Variants in SLIT3 observed in about 807,000 individuals in gnomAD.
SLIT3 encodes the protein slit homolog 3 protein.
In SLIT3, 68 loss-of-function variants were observed where a neutral mutation model predicts 184.0. The ratio of observed to expected loss-of-function variants is 0.37; its 90% CI spans 0.30 to 0.45. The LOEUF is 0.45. Among genes scored for constraint, SLIT3 ranks in the 20% least tolerant of loss-of-function variants. SLIT3 has a pLI of 1.00. For synonymous variants in SLIT3, 831 were observed against 828.6 expected (o/e 1.00, Z -0.05); for missense variants, 1,707 against 2,026.0 (o/e 0.84, Z 3.02).
intron 4 of SLIT3, among the ~76,000 whole-genome samples, chr5:169,137,113 A>G (rs2113331861): frequency 6.6e-6 from 1 of 152,234 alleles, no homozygotes; most frequent in East Asian, 1.9e-4. Flanking sequence ...ACAGCTTCTC[A>G]TGACAGGTCT....
intron 4 of SLIT3, among the ~76,000 whole-genome samples, chr5:169,113,016 C>G (rs1353531996): frequency 6.6e-6 from 1 of 152,152 alleles, no homozygotes; most frequent in Non-Finnish European, 1.5e-5. Flanking sequence ...TAAAAATTTC[C>G]TTCCTGAAAC....
intron 11 of SLIT3, among the ~76,000 whole-genome samples, chr5:168,788,916 C>T (rs1227123299): frequency 6.6e-6 from 1 of 151,998 alleles, no homozygotes; most frequent in Non-Finnish European, 1.5e-5. Context: ...TAAGAAGCAT[C>T]CATAAAAGGC....
At chr5:169,142,404 G>C (rs966681605) in intron 4 of SLIT3, among the ~76,000 whole-genome samples, 6 of 152,168 alleles carry the variant, frequency 3.9e-5, no homozygotes, top group Non-Finnish European at 8.8e-5. Flanking sequence ...CAGAGTAATT[G>C]CTGACTCCAT....
Position 168,710,960 on chromosome 5 carries a change from C to T in SLIT3, c.2654G>A (p.Ser885Asn), listed in dbSNP as rs752599328. 2 of 1,565,298 alleles carry T rather than the reference C, an allele frequency of 1.3e-6. No individual in the cohort carries two copies. The highest frequency in any genetic ancestry group is 2.3e-5 in the East Asian group (1 of 42,710). ...CCTGTCAGCCATGGGCTCAGGGCTACTGCAGCGGGCGATGCCAGGCTCCTT... is the reference window on the plus strand; with the variant it reads ...CCTGTCAGCCATGGGCTCAGGGCTATTGCAGCGGGCGATGCCAGGCTCCTT... ...GYKEPGIARC[S>N]SPEPMADRLL... Residue 885 changes from serine (S) to asparagine (N), a missense_variant, in exon 25 of 36, where the codon AGT (serine) becomes AAT (asparagine). Transcript: ENST00000519560.
chr5:168,977,057 C>A (rs1405402598), intron 4 of SLIT3, among the ~76,000 whole-genome samples: 1 of 151,996 alleles, frequency 6.6e-6, no homozygotes, highest in African/African-American at 2.4e-5. Context: ...CAGTGGGGAA[C>A]AAAGGGGCCC....
At chr5:169,007,372 A>T (rs1755974705) in intron 4 of SLIT3, among the ~76,000 whole-genome samples, 1 of 152,226 alleles carries the variant, frequency 6.6e-6, no homozygotes, top group African/African-American at 2.4e-5. Context: ...ATCATGACTC[A>T]TTGACAATTC....
intron 4 of SLIT3, among the ~76,000 whole-genome samples, chr5:168,998,893 CTGTGTGTGTG>C (rs71575505): frequency 4.2e-5 from 6 of 143,290 alleles, no homozygotes; most frequent in East Asian, 4.1e-4. Flanking sequence ...ACCCAGAAAT[CTGTGTGTGTG>C]TGTGTGTGTG....
At chr5:169,008,545 A>G (rs984625871) in intron 4 of SLIT3, among the ~76,000 whole-genome samples, 1 of 152,162 alleles carries the variant, frequency 6.6e-6, no homozygotes, top group Non-Finnish European at 1.5e-5. Context: ...CCACCTTTCT[A>G]TTGAGAAAGA....
intron 4 of SLIT3, among the ~76,000 whole-genome samples, chr5:168,945,246 A>AATT (rs1562020230): frequency 6.8e-6 from 1 of 147,996 alleles, no homozygotes; most frequent in Non-Finnish European, 1.5e-5. Context: ...TGGTATCCAC[A>AATT]TTTTTTTTTT....
intron 4 of SLIT3, among the ~76,000 whole-genome samples, chr5:169,128,863 C>G (rs954625694): frequency 2.0e-5 from 3 of 152,166 alleles, no homozygotes; most frequent in Non-Finnish European, 4.4e-5. Flanking sequence ...ATTGCACACT[C>G]CAGGCGACTG....
At chr5:168,738,177 A>G (rs1312484844) in intron 20 of SLIT3, among the ~76,000 whole-genome samples, 1 of 152,230 alleles carries the variant, frequency 6.6e-6, no homozygotes, top group Admixed American at 6.5e-5. Flanking sequence ...ATTTACAATA[A>G]GGTTAAAATG....
At chr5:169,166,199 C>T (rs916977073) in intron 4 of SLIT3, among the ~76,000 whole-genome samples, 7 of 152,024 alleles carry the variant, frequency 4.6e-5, no homozygotes, top group Non-Finnish European at 8.8e-5. Flanking sequence ...GTTTTTTAGC[C>T]GTCTTTGCCA....
At chr5:169,179,982 A>C (rs1375345744) in intron 4 of SLIT3, among the ~76,000 whole-genome samples, 1 of 152,192 alleles carries the variant, frequency 6.6e-6, no homozygotes, top group African/African-American at 2.4e-5. Context: ...TGAAAGAGCA[A>C]AATACAAACA....
intron 1 of SLIT3, among the ~76,000 whole-genome samples, chr5:169,259,137 A>G (rs527323101): frequency 6.6e-6 from 1 of 152,292 alleles, no homozygotes; most frequent in African/African-American, 2.4e-5. Context: ...CAGTGGCTCA[A>G]TCTCACCTCA....
intron 4 of SLIT3, among the ~76,000 whole-genome samples, chr5:168,938,836 G>A (rs1054238230): frequency 3.3e-5 from 5 of 152,082 alleles, no homozygotes; most frequent in African/African-American, 1.2e-4. Flanking sequence ...TCACCATGCT[G>A]ACCAGGCAGG....
chr5:169,018,012 C>T (rs1041497830), intron 4 of SLIT3: 7 of 152,230 alleles, frequency 4.6e-5, no homozygotes, highest in African/African-American at 1.7e-4. Flanking sequence ...GGAATTCTGA[C>T]ACAAAACAAA....
intron 4 of SLIT3, among the ~76,000 whole-genome samples, chr5:169,054,674 C>A (rs1457892015): frequency 1.3e-5 from 2 of 152,204 alleles, no homozygotes; most frequent in African/African-American, 2.4e-5. Flanking sequence ...CCACTCCAAC[C>A]CGTCTGCCTC....
rs10036727 is a variant in SLIT3, at chr5:168,753,076, C to T, written c.1852G>A (p.Gly618Ser). 855,089 of 1,613,088 alleles carry T rather than the reference C, an allele frequency of 0.53. 228,617 individuals are homozygous for T. The highest frequency in any genetic ancestry group is 0.69 in the African/African-American group (51,849 of 74,916). ...KTLMLRSNLI[G>S]CVSNDTFAGL... ...GCAAAGGTGTCATTACTCACACAGCCGATCAAGTTACTCCTCAGCATCCTA... is the reference window on the plus strand; with the variant it reads ...GCAAAGGTGTCATTACTCACACAGCTGATCAAGTTACTCCTCAGCATCCTA... The change falls in exon 18 of 36, where the codon GGC (glycine) becomes AGC (serine). Residue 618 changes from glycine to serine, a missense_variant. Physicochemically the swap from Gly to Ser is moderately conservative, Grantham distance 56. Coordinates refer to ENST00000519560, the MANE Select transcript of SLIT3 (RefSeq NM_003062.4).
At chr5:168,928,335 A>G (rs894799898) in intron 4 of SLIT3, among the ~76,000 whole-genome samples, 1 of 152,260 alleles carries the variant, frequency 6.6e-6, no homozygotes, top group African/African-American at 2.4e-5. Context: ...GCATTAAATG[A>G]GTAATGATTA....
Sources: allele counts gnomAD v4.1 joint callset (sites outside exome capture counted in the v4.1 genomes callset), GRCh38; gene constraint gnomAD v4.1.1; transcripts MANE v1.5; gene names NCBI Gene and HGNC (gene_info 2026-07-23, HGNC 2026-07-21).